CDKAL1: variants seen among roughly 807,000 people sequenced by gnomAD.
CDKAL1 encodes CDKAL1 threonylcarbamoyladenosine tRNA methylthiotransferase, also known as threonylcarbamoyladenosine tRNA methylthiotransferase.
CDKAL1 carries 32 observed loss-of-function variants against 68.2 expected under a neutral mutation model. That is an observed-to-expected ratio of 0.47 (90% confidence interval 0.35 to 0.63). The LOEUF is 0.63. Among genes scored for constraint, CDKAL1 ranks in the 30% least tolerant of loss-of-function variants. CDKAL1 has a pLI of 0.00. For synonymous variants in CDKAL1, 234 were observed against 244.3 expected, an observed-to-expected ratio of 0.96 and a Z score of 0.39; for missense variants, 606 against 696.7, an observed-to-expected ratio of 0.87 and a Z score of 1.47.
At chr6:20,769,295 G>A (rs565341199) in intron 7 of CDKAL1, among the ~76,000 whole-genome samples, 2 of 119,910 alleles carry the variant, frequency 1.7e-5, no homozygotes, top group South Asian at 2.6e-4. Context: ...GTCTTGCTCC[G>A]TCGCCCAGGC....
rs185544751 is a variant in CDKAL1 at position 21,170,347 on chromosome 6, T to G, written c.1300-27674T>G. On this transcript the variant is annotated intron_variant, in intron 13 of 15. Transcript: ENST00000274695. ...TGGTTGGTTGGTTGGTTTGTTGGTT[T>G]GTTTTGAGATGGAGTCTCACTCTGT... Among the ~76,000 whole-genome samples the G allele has an allele frequency of 2.4e-3, 362 of 152,264 alleles. 1 individual carries two copies. The highest frequency in any genetic ancestry group is 4.5e-3 in the Non-Finnish European group (306 of 68,008).
At chr6:20,698,220 A>T (rs1345842083) in intron 5 of CDKAL1, among the ~76,000 whole-genome samples, 2 of 152,174 alleles carry the variant, frequency 1.3e-5, no homozygotes, top group African/African-American at 4.8e-5. Context: ...TCCCCACTGA[A>T]CAAAATTTTA....
rs755708499 is a variant in CDKAL1, at chr6:20,758,577, G to A, written c.469-18G>A. 2.7e-5 allele frequency: 36 copies of A among 1,325,604 alleles called. No individual in the cohort carries two copies. The highest frequency in any genetic ancestry group is 1.6e-4 in the South Asian group (12 of 74,260). 82.1% of individuals were successfully genotyped at this position (1,325,604 alleles called of 1,614,324 possible). On this transcript the variant is annotated intron_variant, in intron 6 of 15. Coordinates refer to ENST00000274695, the MANE Select transcript of CDKAL1 (RefSeq NM_017774.3). ...CTTCGTGTAAATTACTTGTGTAATC[G>A]TTTTTTTTTTTTTCCAGGTTCAGCA...
intron 13 of CDKAL1, among the ~76,000 whole-genome samples, chr6:21,117,994 C>A (rs997818906): frequency 6.6e-6 from 1 of 152,116 alleles, no homozygotes; most frequent in Non-Finnish European, 1.5e-5. Context: ...AATATGCTGA[C>A]AAAGTTTTAA....
intron 8 of CDKAL1, among the ~76,000 whole-genome samples, chr6:20,815,341 G>A (rs1776999142): frequency 6.6e-6 from 1 of 152,138 alleles, no homozygotes. Flanking sequence ...TTTAAGGGTT[G>A]AGTAGAAGAA....
intron 11 of CDKAL1, among the ~76,000 whole-genome samples, chr6:21,049,705 C>G: frequency 6.6e-6 from 1 of 151,896 alleles, no homozygotes; most frequent in East Asian, 1.9e-4. Context: ...AGTGATGATT[C>G]ATTTGATGTG....
chr6:20,832,613 G>A (rs1310786695), intron 8 of CDKAL1, among the ~76,000 whole-genome samples: 2 of 152,018 alleles, frequency 1.3e-5, no homozygotes, highest in Admixed American at 1.3e-4. Flanking sequence ...CTGTGATCAC[G>A]CCACTGCATT....
At chr6:20,891,038 C>T (rs942357562) in intron 9 of CDKAL1, among the ~76,000 whole-genome samples, 11 of 152,032 alleles carry the variant, frequency 7.2e-5, no homozygotes, top group Non-Finnish European at 2.9e-5. Flanking sequence ...TAATTTGCAC[C>T]TCCCCTTTCC....
At chr6:21,039,422 A>G (rs1769785764) in intron 11 of CDKAL1, among the ~76,000 whole-genome samples, 1 of 152,100 alleles carries the variant, frequency 6.6e-6, no homozygotes, top group Non-Finnish European at 1.5e-5. Context: ...AATATTAGGA[A>G]TTTCACTCAG....
At chr6:20,802,309 C>CAAT (rs202052759) in intron 8 of CDKAL1, among the ~76,000 whole-genome samples, 13,031 of 142,034 alleles carry the variant, frequency 0.092, 767 homozygotes, top group East Asian at 0.29. Context: ...AAAACAACAA[C>CAAT]AACAACAATA....
At position 21,060,130 on chromosome 6, in the gene CDKAL1, T is replaced by G. The variant is rs1771066265; in HGVS notation, c.1056-4918T>G. Among the ~76,000 whole-genome samples the G allele has an allele frequency of 3.9e-5, 6 of 152,354 alleles. No homozygotes were observed. The South Asian group carries it at 1.2e-3, about 32-fold the overall frequency. ...AATTGATTTTATCATTCTTTAAATG[T>G]TTGGTAGAATTCACCATGAAACCAT... On this transcript the variant is annotated intron_variant, in intron 11 of 15. Coordinates refer to ENST00000274695, the MANE Select transcript of CDKAL1 (RefSeq NM_017774.3).
intron 15 of CDKAL1, among the ~76,000 whole-genome samples, chr6:21,212,023 A>G (rs911135626): frequency 2.6e-5 from 4 of 152,048 alleles, no homozygotes; most frequent in Non-Finnish European, 4.4e-5. Context: ...AGCCTCTTAG[A>G]GTGCTGGGAT....
rs552642400 is a variant in CDKAL1 at position 20,646,878 on chromosome 6, G to C, written c.287-2415G>C. On this transcript the variant is annotated intron_variant, in intron 4 of 15. Transcript: ENST00000274695. ...TCTGCCTCAGCCTCCTGAGTAGCTGGGATTACAGGTGCCCGCCCCCACGCC... is the reference window on the plus strand; with the variant it reads ...TCTGCCTCAGCCTCCTGAGTAGCTGCGATTACAGGTGCCCGCCCCCACGCC... 4.2e-3 allele frequency among the ~76,000 whole-genome samples: 632 copies of C among 152,174 alleles called. 4 individuals are homozygous for C. Among genetic ancestry groups the C allele is most frequent in the Non-Finnish European group, 6.1e-3 (416 of 68,000 alleles).
intron 10 of CDKAL1, among the ~76,000 whole-genome samples, chr6:20,994,708 A>G (rs1481611702): frequency 6.6e-6 from 1 of 152,228 alleles, no homozygotes; most frequent in Non-Finnish European, 1.5e-5. Flanking sequence ...AGTTATGTTT[A>G]TACTATATTA....
chr6:20,795,768 G>A (rs1251391976), intron 8 of CDKAL1, among the ~76,000 whole-genome samples: 3 of 152,162 alleles, frequency 2.0e-5, no homozygotes, highest in Admixed American at 1.3e-4. Context: ...GATTTCTCAT[G>A]TTGCTATTTT....
At chr6:20,741,689 T>TGA (rs1329205994) in intron 6 of CDKAL1, among the ~76,000 whole-genome samples, 1 of 152,198 alleles carries the variant, frequency 6.6e-6, no homozygotes, top group African/African-American at 2.4e-5. Flanking sequence ...ATAGTGTATA[T>TGA]GTACCACATT....
At chr6:20,933,297 T>G (rs1763554733) in intron 9 of CDKAL1, among the ~76,000 whole-genome samples, 1 of 152,258 alleles carries the variant, frequency 6.6e-6, no homozygotes, top group Admixed American at 6.5e-5. Flanking sequence ...AGGTCTTTCC[T>G]TCTGGCTCCT....
intron 13 of CDKAL1, among the ~76,000 whole-genome samples, chr6:21,146,140 C>T (rs1776157607): frequency 6.6e-6 from 1 of 152,118 alleles, no homozygotes; most frequent in Non-Finnish European, 1.5e-5. Context: ...ACTACAGTTG[C>T]CCAGTAAAAT....
intron 9 of CDKAL1, among the ~76,000 whole-genome samples, chr6:20,904,754 A>C (rs1277216235): frequency 2.6e-5 from 4 of 151,670 alleles, no homozygotes; most frequent in Non-Finnish European, 5.9e-5. Flanking sequence ...GCGGCATTGC[A>C]CTCCAGCCTG....
Sources: gnomAD v4.1 joint callset for allele counts (sites outside exome capture counted in the v4.1 genomes callset) on GRCh38, gnomAD v4.1.1 for gene constraint, MANE v1.5 for transcripts, NCBI Gene and HGNC (gene_info 2026-07-23, HGNC 2026-07-21) for gene names.